The following GBF1 variants were observed in gnomAD, a reference collection of about 807,000 sequenced individuals.
The protein encoded by GBF1 is Golgi-specific brefeldin A-resistance guanine nucleotide exchange factor 1.
Under a neutral mutation model 210.5 loss-of-function variants are expected in GBF1, and 114 were observed. The observed-to-expected ratio is 0.54, with a 90% CI of 0.47 to 0.63. The LOEUF (loss-of-function observed/expected upper bound fraction) is 0.63, where lower values mean the gene tolerates loss of function less well. GBF1 is among the 30% of genes least tolerant of loss of function. GBF1 has a pLI of 0.00. For missense variants in GBF1, 1,851 were observed against 2,357.7 expected (o/e 0.79, Z 4.45); for synonymous variants, 850 against 889.2 (o/e 0.96, Z 0.78).
rs200015962 is a variant in GBF1, at chr10:102,375,558, C to T, written c.3860C>T (p.Thr1287Ile). Reference protein sequence around the residue: ...GVKPPAALQATARADAPDAGA... With the variant: ...GVKPPAALQAIARADAPDAGA... Reference sequence around the variant, plus strand: ...AAGCCTCCAGCTGCTCTGCAGGCCACAGCCAGGGCAGATGCACCTGATGCC... The same window carrying T: ...AAGCCTCCAGCTGCTCTGCAGGCCATAGCCAGGGCAGATGCACCTGATGCC... Residue 1287 changes from threonine to isoleucine, a missense_variant, in exon 30 of 40, where the codon ACA (threonine) becomes ATA (isoleucine). Physicochemically the swap from Thr to Ile is moderately conservative, Grantham distance 89. Coordinates refer to ENST00000369983, the MANE Select transcript of GBF1 (RefSeq NM_001377137.1). 98 of 1,612,984 alleles carry T rather than the reference C, an allele frequency of 6.1e-5. No individual in the cohort carries two copies. The East Asian group carries it at 2.1e-3, about 34-fold the overall frequency.
chr10:102,339,792 T>C (rs2058045109), intron 3 of GBF1, among the ~76,000 whole-genome samples: 1 of 152,046 alleles, frequency 6.6e-6, no homozygotes, highest in Admixed American at 6.6e-5. Context: ...GCCAATTTAA[T>C]TTTTATTTTT....
chr10:102,322,580 A>G (rs904009457), intron 3 of GBF1, among the ~76,000 whole-genome samples: 2 of 152,004 alleles, frequency 1.3e-5, no homozygotes, highest in African/African-American at 2.4e-5. Flanking sequence ...CCATGACAAA[A>G]TACTAGTGTT....
At position 102,369,409 on chromosome 10, in the gene GBF1, G is replaced by A. The variant is rs1385288991; in HGVS notation, c.3150+22G>A. 4 of 1,583,110 alleles carry A rather than the reference G, an allele frequency of 2.5e-6. No homozygotes were observed. In the South Asian group the frequency reaches 4.4e-5, roughly 18 times the overall value. On this transcript the variant is annotated intron_variant, in intron 24 of 39. Transcript: ENST00000369983. ...AGAGGTAATTCTTAGTAGGAGACTA[G>A]TGAGCGATAACAAGGCAAGAGCTGC...
At chr10:102,328,256 G>A (rs888914662) in intron 3 of GBF1, among the ~76,000 whole-genome samples, 1 of 152,206 alleles carries the variant, frequency 6.6e-6, no homozygotes, top group Admixed American at 6.5e-5. Context: ...ACTTTGGGAG[G>A]CCAAGGAAGG....
intron 22 of GBF1, 110 bp from the exon 23 acceptor site, chr10:102,368,629 G>T (rs2060037709): frequency 1.1e-6 from 1 of 870,722 alleles, no homozygotes; most frequent in Non-Finnish European, 1.8e-6. Flanking sequence ...AAAATTAAAA[G>T]GTTTCTTCCT....
the GBF1 span, chr10:102,231,572 G>C: frequency 1.3e-6 from 2 of 1,546,522 alleles, no homozygotes; most frequent in South Asian, 1.2e-5. Flanking sequence ...GCGAGTCGCG[G>C]GTCTGGAGAG....
chr10:102,329,409 G>A (rs1219965924), intron 3 of GBF1, among the ~76,000 whole-genome samples: 1 of 152,192 alleles, frequency 6.6e-6, no homozygotes, highest in Non-Finnish European at 1.5e-5. Context: ...CTGGTTAGGA[G>A]AAGGAGAGGT....
intron 3 of GBF1, 111 bp downstream of exon 3, chr10:102,260,227 G>T: frequency 1.7e-6 from 1 of 595,408 alleles, no homozygotes; most frequent in Non-Finnish European, 3.0e-6. Context: ...AAATAATTTA[G>T]GCTTTGTGGG....
intron 3 of GBF1, among the ~76,000 whole-genome samples, chr10:102,318,432 C>T (rs572083227): frequency 6.6e-6 from 1 of 151,954 alleles, no homozygotes; most frequent in African/African-American, 2.4e-5. Context: ...CTCAAGCGAT[C>T]CACCTACCTT....
At chr10:102,246,410 T>C (rs1016096791) in intron 1 of GBF1, among the ~76,000 whole-genome samples, 4 of 152,240 alleles carry the variant, frequency 2.6e-5, no homozygotes, top group African/African-American at 9.6e-5. Flanking sequence ...ACTTATCTTC[T>C]GGGCCTGTTT....
At chr10:102,257,505 T>A (rs1022366288) in intron 1 of GBF1, among the ~76,000 whole-genome samples, 1 of 151,894 alleles carries the variant, frequency 6.6e-6, no homozygotes, top group Non-Finnish European at 1.5e-5. Flanking sequence ...TGGTAGAGAC[T>A]GGGTCTCACT....
Position 102,368,758 on chromosome 10 carries a change from G to T in GBF1, c.2899G>T (p.Ala967Ser), listed in dbSNP as rs768258634. 1 of 1,612,612 alleles carries T rather than the reference G, an allele frequency of 6.2e-7. No individual in the cohort carries two copies. Among genetic ancestry groups the T allele is most frequent in the African/African-American group, 1.3e-5 (1 of 74,870 alleles). The change falls in exon 23 of 40, where the codon GCC becomes TCC. Residue 967 changes from alanine to serine, a missense_variant. Transcript: ENST00000369983. Reference sequence around the variant, plus strand: ...TTACAGGAAGTGCGCCATGATCTCCGCCCACTATGGCCTCAGCGATGTGTT... The same window carrying T: ...TTACAGGAAGTGCGCCATGATCTCCTCCCACTATGGCCTCAGCGATGTGTT... Reference protein sequence around the residue: ...SGFRKCAMISAHYGLSDVFDN... With the variant: ...SGFRKCAMISSHYGLSDVFDN...
intron 3 of GBF1, among the ~76,000 whole-genome samples, chr10:102,342,479 A>G (rs1179236867): frequency 6.6e-6 from 1 of 151,910 alleles, no homozygotes; most frequent in South Asian, 2.1e-4. Context: ...AGGTGGGGGT[A>G]GTAGGGGAAG....
intron 3 of GBF1, among the ~76,000 whole-genome samples, chr10:102,300,685 G>A (rs536371431): frequency 6.6e-6 from 1 of 152,274 alleles, no homozygotes; most frequent in East Asian, 1.9e-4. Flanking sequence ...ACAGGGCATT[G>A]GTTTAGCAGT....
At chr10:102,317,650 A>G (rs2055946550) in intron 3 of GBF1, among the ~76,000 whole-genome samples, 2 of 152,268 alleles carry the variant, frequency 1.3e-5, no homozygotes, top group South Asian at 4.1e-4. Context: ...AGAGATGGAA[A>G]CAAGAACCTC....
intron 20 of GBF1, 63 bp downstream of exon 20, chr10:102,367,273 A>G: frequency 6.4e-7 from 1 of 1,555,054 alleles, no homozygotes; most frequent in South Asian, 1.1e-5. Context: ...AGCAGGAAGG[A>G]CATAGGATTT....
At position 102,281,644 on chromosome 10, in the gene GBF1, G is replaced by C. The variant is rs1189838512; in HGVS notation, c.163+21528G>C. 6.0e-5 allele frequency among the ~76,000 whole-genome samples: 9 copies of C among 150,094 alleles called. No homozygotes were observed. In the East Asian group the frequency reaches 1.7e-3, roughly 29 times the overall value. On this transcript the variant is annotated intron_variant, in intron 3 of 39. Transcript: ENST00000369983. ...GATTATTTCTATAAACATATTTATA[G>C]AAGAGTTGTAAAGAAGTTCTCATCT...
intron 1 of GBF1, among the ~76,000 whole-genome samples, chr10:102,253,519 CAA>C (rs747809317): frequency 1.3e-5 from 2 of 152,050 alleles, no homozygotes; most frequent in African/African-American, 2.4e-5. Context: ...AACTTAAAAA[CAA>C]TTTTTTTTTT....
intron 35 of GBF1, 70 bp downstream of exon 35, chr10:102,379,721 GC>G: frequency 3.9e-6 from 6 of 1,554,270 alleles, no homozygotes; most frequent in Non-Finnish European, 5.3e-6. Context: ...AGCCTGAAGA[GC>G]CCCTAATGTG....
Sources: gnomAD v4.1 joint callset for allele counts (sites outside exome capture counted in the v4.1 genomes callset) on GRCh38, gnomAD v4.1.1 for gene constraint, MANE v1.5 for transcripts, NCBI Gene and HGNC (gene_info 2026-07-23, HGNC 2026-07-21) for gene names.